Variants in ANKHD1 observed in about 807,000 individuals in gnomAD.
ANKHD1 encodes ankyrin repeat and KH domain containing 1, also known as ankyrin repeat and KH domain-containing protein 1.
Under a neutral mutation model 230.5 loss-of-function variants are expected in ANKHD1, and 31 were observed. The ratio of observed to expected loss-of-function variants is 0.13; its 90% confidence interval spans 0.10 to 0.18. ANKHD1 has a LOEUF of 0.18. Among genes scored for constraint, ANKHD1 ranks in the 10% least tolerant of loss-of-function variants. The pLI is 1.00. For synonymous variants in ANKHD1, 1,074 were observed against 1,117.6 expected, an observed-to-expected ratio of 0.96 and a Z score of 0.78; for missense variants, 2,256 against 3,071.3, an observed-to-expected ratio of 0.73 and a Z score of 6.27.
At chr5:140,463,252 T>A (rs1046716014) in intron 9 of ANKHD1, among the ~76,000 whole-genome samples, 2 of 152,194 alleles carry the variant, frequency 1.3e-5, no homozygotes, top group Non-Finnish European at 2.9e-5. Flanking sequence ...GTAAAAATTG[T>A]CAGAAGATGG....
intron 15 of ANKHD1, among the ~76,000 whole-genome samples, chr5:140,497,885 A>ACACAC (rs1256134537): frequency 2.1e-5 from 1 of 46,830 alleles, no homozygotes; most frequent in Non-Finnish European, 5.5e-5. Flanking sequence ...CACCACACAC[A>ACACAC]CACACACACA....
chr5:140,526,098 G>A lies in ANKHD1; in HGVS notation c.4595G>A (p.Arg1532Lys). The change falls in exon 26 of 34, where the codon AGG becomes AAG. Residue 1532 changes from arginine to lysine, a missense_variant. Physicochemically the swap from Arg to Lys is conservative, Grantham distance 26. Coordinates refer to ENST00000360839, the MANE Select transcript of ANKHD1 (RefSeq NM_017747.3). The part of the protein sequence containing the change: ...ATFTNVFGKK[R>K]ANVVTTPSTN... ...TTCACAAATGTGTTTGGGAAAAAAA[G>A]GGCCAATGTGGTGACAACTCCCAGC... The A allele has an allele frequency of 6.2e-7, 1 of 1,613,710 alleles. No individual in the cohort carries two copies. The highest frequency in any genetic ancestry group is 1.7e-5 in the Admixed American group (1 of 59,922).
chr5:140,533,842 AAG>A (rs1303772732), intron 29 of ANKHD1, among the ~76,000 whole-genome samples: 2 of 152,010 alleles, frequency 1.3e-5, no homozygotes, highest in African/African-American at 2.4e-5. Context: ...TAAAAAAAGA[AAG>A]AAATGATTCA....
chr5:140,448,263 A>T (rs564109762), intron 6 of ANKHD1, among the ~76,000 whole-genome samples: 1 of 152,186 alleles, frequency 6.6e-6, no homozygotes, highest in African/African-American at 2.4e-5. Context: ...AAATACATCA[A>T]ATAGATGTAC....
At chr5:140,515,824 G>A (rs1752976997) in intron 24 of ANKHD1, among the ~76,000 whole-genome samples, 1 of 152,150 alleles carries the variant, frequency 6.6e-6, no homozygotes, top group Non-Finnish European at 1.5e-5. Flanking sequence ...ACCAAAAGTA[G>A]ATAAAACCAA....
intron 6 of ANKHD1, 75 bp downstream of exon 6, chr5:140,446,050 T>A (rs1774254567): frequency 7.3e-7 from 1 of 1,360,608 alleles, no homozygotes; most frequent in African/African-American, 1.5e-5. Flanking sequence ...AGTATTTGAG[T>A]TTACTTTATA....
chr5:140,457,064 A>G (rs1436492498), intron 7 of ANKHD1, among the ~76,000 whole-genome samples: 1 of 152,250 alleles, frequency 6.6e-6, no homozygotes, highest in Non-Finnish European at 1.5e-5. Flanking sequence ...GACACTTCTC[A>G]AAAGAAGACA....
At chr5:140,438,419 T>TG (rs1554085960) in intron 2 of ANKHD1, 42 bp from the exon 3 acceptor site, 2 of 1,481,530 alleles carry the variant, frequency 1.3e-6, no homozygotes, top group Non-Finnish European at 1.8e-6. Context: ...TACTTTTTTT[T>TG]TTGTTGTTCT....
intron 1 of ANKHD1, among the ~76,000 whole-genome samples, chr5:140,427,531 G>T (rs555677377): frequency 4.0e-4 from 57 of 140,960 alleles, no homozygotes; most frequent in Middle Eastern, 4.2e-3. Flanking sequence ...CGGACGGGGC[G>T]GCTGGCCGGG....
At chr5:140,518,827 T>C (rs1176092884) in intron 24 of ANKHD1, among the ~76,000 whole-genome samples, 1 of 152,164 alleles carries the variant, frequency 6.6e-6, no homozygotes, top group Non-Finnish European at 1.5e-5. Flanking sequence ...ACAGCCAATA[T>C]CATACTGAAT....
chr5:140,513,204 G>A (rs544320823), intron 23 of ANKHD1, among the ~76,000 whole-genome samples, 159 bp from the exon 24 acceptor site: 4 of 152,316 alleles, frequency 2.6e-5, no homozygotes, highest in African/African-American at 9.6e-5. Flanking sequence ...GGGAAATGGT[G>A]TCTTATTTTT....
chr5:140,539,549 T>C lies in ANKHD1; in HGVS notation c.*131T>C. 9.9e-7 allele frequency: 1 copy of C among 1,006,272 alleles called. No individual in the cohort carries two copies. Among genetic ancestry groups the C allele is most frequent in the Non-Finnish European group, 1.5e-6 (1 of 688,478 alleles). The allele number at this position is 1,006,272 out of a possible 1,614,324, so 62.3% of individuals were successfully genotyped here. Reference sequence around the variant, plus strand: ...GCAATGGAAATTTGATTGCCCATTGTATAAGAACAAATTGATTTCCTATCC... The same window carrying C: ...GCAATGGAAATTTGATTGCCCATTGCATAAGAACAAATTGATTTCCTATCC... On this transcript the variant is annotated 3_prime_UTR_variant, in exon 34 of 34. Coordinates refer to ENST00000360839, the MANE Select transcript of ANKHD1 (RefSeq NM_017747.3).
At chr5:140,535,953 A>C (rs1754049373) in intron 30 of ANKHD1, 1 of 151,708 alleles carries the variant, frequency 6.6e-6, no homozygotes, top group Non-Finnish European at 1.5e-5. Context: ...CTTTGGAAGC[A>C]GTGTTGTAAA....
At chr5:140,528,066 T>C in intron 28 of ANKHD1, 44 bp downstream of exon 28, 2 of 1,606,380 alleles carry the variant, frequency 1.2e-6, no homozygotes, top group Non-Finnish European at 1.7e-6. Context: ...GTAGAAATTA[T>C]AAGAAGCATA....
At chr5:140,468,699 T>C (rs141495720) in intron 10 of ANKHD1, among the ~76,000 whole-genome samples, 31 of 152,334 alleles carry the variant, frequency 2.0e-4, no homozygotes, top group Non-Finnish European at 3.8e-4. Context: ...ATATGTGATA[T>C]AACATCTTTC....
Position 140,441,072 on chromosome 5 carries a change from T to G in ANKHD1, c.843T>G (p.Ser281Arg). 2 of 1,611,846 alleles carry G rather than the reference T, an allele frequency of 1.2e-6. No homozygotes were observed. Among genetic ancestry groups the G allele is most frequent in the Non-Finnish European group, 1.7e-6 (2 of 1,179,240 alleles). The change falls in exon 5 of 34, where the codon AGT becomes AGG. Residue 281 changes from serine (S) to arginine (R), a missense_variant. This residue lies in a region of ANKHD1 where 206 missense variants were observed against 304.5 expected (regional missense o/e 0.68). Coordinates refer to ENST00000360839, the MANE Select transcript of ANKHD1 (RefSeq NM_017747.3). ...GDITPLMAAS[S>R]GGYLDIVKLL... The stretch of plus-strand genomic sequence containing the variant: ...TAACTCCCCTGATGGCAGCTTCCAG[T>G]GGAGGTTACTTAGATATTGTGAAAT...
At chr5:140,431,196 T>C (rs1773017756) in intron 1 of ANKHD1, among the ~76,000 whole-genome samples, 1 of 152,244 alleles carries the variant, frequency 6.6e-6, no homozygotes, top group Non-Finnish European at 1.5e-5. Flanking sequence ...GGAAATCTGA[T>C]TGATACAAAT....
rs565635510 is a variant in ANKHD1, at chr5:140,412,438, A to T, written c.306+10165A>T. Among the ~76,000 whole-genome samples the T allele has an allele frequency of 6.6e-5, 10 of 152,302 alleles. 1 individual carries two copies. The East Asian group carries it at 1.7e-3, about 26-fold the overall frequency. On this transcript the variant is annotated intron_variant, in intron 1 of 33. Transcript: ENST00000360839. ...CTCCCAGAGGGCCAAGATTACAGGCATGAGCTACCACGCCTGGCCGGAAAA... is the reference window on the plus strand; with the variant it reads ...CTCCCAGAGGGCCAAGATTACAGGCTTGAGCTACCACGCCTGGCCGGAAAA...
chr5:140,469,361 A>G (rs77545483), intron 10 of ANKHD1, among the ~76,000 whole-genome samples: 1 of 129,766 alleles, frequency 7.7e-6, no homozygotes, highest in Non-Finnish European at 1.8e-5. Flanking sequence ...AAAAAAAAAA[A>G]TTAGCCGGGT....
Sources: allele counts gnomAD v4.1 joint callset (sites outside exome capture counted in the v4.1 genomes callset), GRCh38; gene constraint gnomAD v4.1.1; regional missense constraint gnomAD v4.1.1; transcripts MANE v1.5; gene names NCBI Gene and HGNC (gene_info 2026-07-23, HGNC 2026-07-21).